Variants in CEP192 observed in about 807,000 individuals in gnomAD.
CEP192 encodes centrosomal protein 192, also known as centrosomal protein of 192 kDa.
Under a neutral mutation model 271.8 loss-of-function variants are expected in CEP192, and 151 were observed. The ratio of observed to expected loss-of-function variants is 0.56; its 90% CI spans 0.49 to 0.64. The LOEUF (loss-of-function observed/expected upper bound fraction) is 0.64, where lower values mean the gene tolerates loss of function less well. Ranked by LOEUF, CEP192 falls within the 30% of genes least tolerant of loss-of-function variation. The pLI is 0.00. For synonymous variants in CEP192, 995 were observed against 1,076.5 expected, an observed-to-expected ratio of 0.92 and a Z score of 1.48; for missense variants, 2,910 against 3,020.5, an observed-to-expected ratio of 0.96 and a Z score of 0.86.
intron 19 of CEP192, among the ~76,000 whole-genome samples, chr18:13,057,058 G>C (rs1001525376): frequency 6.6e-6 from 1 of 152,176 alleles, no homozygotes; most frequent in Admixed American, 6.5e-5. Context: ...TGGAGAGGCA[G>C]CACTCTCGGG....
intron 11 of CEP192, among the ~76,000 whole-genome samples, chr18:13,034,319 G>A (rs1476178729): frequency 2.0e-5 from 3 of 152,070 alleles, no homozygotes; most frequent in Non-Finnish European, 4.4e-5. Context: ...ACTAGATCCA[G>A]GGAAATAGGG....
In CEP192 at chr18:13,113,594, C is replaced by T. The variant is rs1020687988; in HGVS notation, c.7056C>T (p.Ile2352=). Residue 2352 remains isoleucine, a synonymous_variant, in exon 41 of 45, where the codon ATC becomes ATT. Transcript: ENST00000506447. Reference sequence around the variant, plus strand: ...CTGTATGTATTTCGTAGGTCTCCATCACATTTTTGCCCAGAGGTAGGGGGG... The same window carrying T: ...CTGTATGTATTTCGTAGGTCTCCATTACATTTTTGCCCAGAGGTAGGGGGG... ...LESHGIQKVS[I]TFLPRGRGDY... The T allele has an allele frequency of 2.5e-6, 4 of 1,612,944 alleles. No homozygotes were observed. The highest frequency in any genetic ancestry group is 2.2e-5 in the South Asian group (2 of 90,834).
Position 13,028,927 on chromosome 18 carries a change from G to C in CEP192, c.1051-736G>C, listed in dbSNP as rs2143506146. On this transcript the variant is annotated intron_variant, in intron 9 of 44. Coordinates refer to ENST00000506447, the MANE Select transcript of CEP192 (RefSeq NM_032142.4). ...TTATTCGAAAGTTATCATTTATTTA[G>C]AACGACCTCCTTTTAGTGTTGTAAC... is the stretch of plus-strand genomic sequence containing the variant. 2.0e-5 allele frequency among the ~76,000 whole-genome samples: 3 copies of C among 152,302 alleles called. 1 individual carries two copies. In the Middle Eastern group the frequency reaches 0.01, roughly 518 times the overall value.
intron 40 of CEP192, among the ~76,000 whole-genome samples, chr18:13,107,355 T>G (rs1362090427): frequency 6.6e-6 from 1 of 152,166 alleles, no homozygotes; most frequent in African/African-American, 2.4e-5. Context: ...ATAAAATAAA[T>G]AAGCAAATTC....
chr18:13,084,408 G>A (rs535443196), intron 30 of CEP192, among the ~76,000 whole-genome samples: 1 of 152,204 alleles, frequency 6.6e-6, no homozygotes, highest in African/African-American at 2.4e-5. Flanking sequence ...GCAAGGCTCT[G>A]TGGGCGTGGG....
At chr18:13,083,062 T>G (rs1010704754) in intron 30 of CEP192, among the ~76,000 whole-genome samples, 1 of 152,212 alleles carries the variant, frequency 6.6e-6, no homozygotes, top group Non-Finnish European at 1.5e-5. Flanking sequence ...CATTTTTTCC[T>G]TCATTCCAAC....
At position 13,017,392 on chromosome 18, in the gene CEP192, G is replaced by A. The variant is rs1376189852; in HGVS notation, c.789+56G>A. On this transcript the variant is annotated intron_variant, in intron 7 of 44. Transcript: ENST00000506447. ...ATTTGACATTAGAAAATTACTATTG[G>A]TCTCCTTGGATGTTCACATGAAATG... 6 of 1,323,716 alleles carry A rather than the reference G, an allele frequency of 4.5e-6. No homozygotes were observed. In the East Asian group the frequency reaches 1.3e-4, roughly 29 times the overall value. 82.0% of individuals were successfully genotyped at this position (1,323,716 alleles called of 1,614,324 possible).
chr18:13,000,780 C>A (rs2033591146), intron 2 of CEP192, among the ~76,000 whole-genome samples: 1 of 152,212 alleles, frequency 6.6e-6, no homozygotes, highest in Non-Finnish European at 1.5e-5. Flanking sequence ...CATGGCAAAA[C>A]CCTGTTTACT....
At chr18:13,005,656 A>G (rs906480877) in intron 3 of CEP192, among the ~76,000 whole-genome samples, 3 of 152,080 alleles carry the variant, frequency 2.0e-5, no homozygotes, top group Non-Finnish European at 2.9e-5. Flanking sequence ...TTGACTCTTG[A>G]ATAGTCTGAA....
chr18:13,028,011 C>T (rs2035400317), intron 9 of CEP192, among the ~76,000 whole-genome samples: 1 of 152,164 alleles, frequency 6.6e-6, no homozygotes, highest in Non-Finnish European at 1.5e-5. Context: ...TATTTCCTCA[C>T]AGTTATGGAG....
At chr18:13,116,904 C>T (rs780891179) in intron 43 of CEP192, among the ~76,000 whole-genome samples, 64 of 152,022 alleles carry the variant, frequency 4.2e-4, no homozygotes, top group Non-Finnish European at 4.3e-4. Context: ...CCACCACGCC[C>T]GGCCATAATG....
chr18:13,113,730 A>T, intron 41 of CEP192, 25 bp downstream of exon 41: 1 of 1,572,122 alleles, frequency 6.4e-7, no homozygotes, highest in Non-Finnish European at 8.6e-7. Flanking sequence ...GAATTTAAGT[A>T]AATTATTGTA....
rs553296794 is a variant in CEP192, at chr18:13,021,689, CTT to C, written c.1050+2485_1050+2486del. Among the ~76,000 whole-genome samples, 204 of 152,268 alleles carry C rather than the reference CTT, an allele frequency of 1.3e-3. 1 individual carries two copies. Among genetic ancestry groups the C allele is most frequent in the African/African-American group, 4.7e-3 (196 of 41,556 alleles). ...GGGATTTTGTTGAATCTACAGGTCA[CTT>C]TGGGTAGTATTGATACCTTTGCAGT... On this transcript the variant is annotated intron_variant, in intron 9 of 44. Coordinates refer to ENST00000506447, the MANE Select transcript of CEP192 (RefSeq NM_032142.4).
chr18:13,053,638 G>A (rs568165169), intron 18 of CEP192, among the ~76,000 whole-genome samples: 16 of 152,258 alleles, frequency 1.1e-4, no homozygotes, highest in African/African-American at 3.9e-4. Context: ...TTTAAAATAC[G>A]GGAGTTTGAA....
intron 17 of CEP192, among the ~76,000 whole-genome samples, chr18:13,052,115 G>A (rs1463529597): frequency 6.6e-6 from 1 of 152,150 alleles, no homozygotes; most frequent in Non-Finnish European, 1.5e-5. Context: ...CTTGCATCTC[G>A]GCTGGCAGCC....
intron 30 of CEP192, among the ~76,000 whole-genome samples, chr18:13,084,154 G>C (rs2038770858): frequency 6.6e-6 from 1 of 152,200 alleles, no homozygotes; most frequent in South Asian, 2.1e-4. Context: ...GCTCTCTTCA[G>C]AGCTGTCAGA....
intron 1 of CEP192, among the ~76,000 whole-genome samples, chr18:12,997,730 C>T (rs1050871005): frequency 6.6e-6 from 1 of 152,014 alleles, no homozygotes; most frequent in Non-Finnish European, 1.5e-5. Context: ...GTAAGTTCTT[C>T]TTATTTTTGG....
chr18:13,085,070 C>T lies in CEP192; in HGVS notation c.5617-1947C>T, dbSNP rs112999405. Among the ~76,000 whole-genome samples, 218 of 152,010 alleles carry T rather than the reference C, an allele frequency of 1.4e-3. 1 individual carries two copies. The Middle Eastern group carries it at 0.017, about 12-fold the overall frequency. ...TTGATCTCCTGATCTCGTGATCTGC[C>T]CACCTTTGCCTCCCAAAGTGCTGGG... On this transcript the variant is annotated intron_variant, in intron 30 of 44. Transcript: ENST00000506447.
At chr18:13,111,172 T>G (rs1255214287) in intron 40 of CEP192, among the ~76,000 whole-genome samples, 2 of 152,232 alleles carry the variant, frequency 1.3e-5, no homozygotes, top group Non-Finnish European at 2.9e-5. Context: ...TTGCCCAGGC[T>G]GGAGTGCAGT....
Sources: allele counts gnomAD v4.1 joint callset (sites outside exome capture counted in the v4.1 genomes callset), GRCh38; gene constraint gnomAD v4.1.1; transcripts MANE v1.5; gene names NCBI Gene and HGNC (gene_info 2026-07-23, HGNC 2026-07-21).